Variants in ASIC2 observed in about 807,000 individuals in gnomAD.
ASIC2 encodes the protein acid sensing ion channel subunit 2, also known as acid-sensing ion channel 2.
In ASIC2, 25 loss-of-function variants were observed where a neutral mutation model predicts 57.3. The observed-to-expected ratio is 0.44, with a 90% CI of 0.32 to 0.61. The LOEUF (loss-of-function observed/expected upper bound fraction) is 0.61. ASIC2 is among the 20% of genes least tolerant of loss of function. The pLI, the probability that ASIC2 is intolerant of heterozygous loss-of-function variation, is 0.06. For synonymous variants in ASIC2, 319 were observed against 307.5 expected (o/e 1.04, Z -0.39); for missense variants, 641 against 738.1 (o/e 0.87, Z 1.52).
intron 1 of ASIC2, among the ~76,000 whole-genome samples, chr17:33,114,885 C>T (rs1292847092): frequency 1.3e-5 from 2 of 152,320 alleles, no homozygotes; most frequent in East Asian, 3.9e-4. Context: ...TTTCCACTTA[C>T]AAAAAGAGGT....
At chr17:33,477,578 G>A (rs1360194986) in intron 1 of ASIC2, among the ~76,000 whole-genome samples, 15 of 152,170 alleles carry the variant, frequency 9.9e-5, no homozygotes, top group Non-Finnish European at 1.9e-4. Context: ...GAGGGCAAGG[G>A]GAATTCATTC....
chr17:33,137,086 T>C (rs1478208658), intron 1 of ASIC2, among the ~76,000 whole-genome samples: 5 of 152,222 alleles, frequency 3.3e-5, no homozygotes, highest in Non-Finnish European at 5.9e-5. Flanking sequence ...TTATTGTTCC[T>C]ACACGGGACA....
intron 1 of ASIC2, among the ~76,000 whole-genome samples, chr17:33,586,764 T>C (rs577425550): frequency 6.6e-6 from 1 of 152,336 alleles, no homozygotes; most frequent in African/African-American, 2.4e-5. Flanking sequence ...GCTCCATCCC[T>C]TTCACTCTGC....
At chr17:34,075,823 C>CTTTTTTTTTTTTT (rs57703083) in intron 1 of ASIC2, among the ~76,000 whole-genome samples, 1 of 77,548 alleles carries the variant, frequency 1.3e-5, no homozygotes, top group Non-Finnish European at 2.3e-5. Context: ...TTTCTTTTTC[C>CTTTTTTTTTTTTT]TTTTTTTTTT....
intron 1 of ASIC2, among the ~76,000 whole-genome samples, chr17:33,805,933 T>C (rs971480843): frequency 6.6e-6 from 1 of 152,206 alleles, no homozygotes; most frequent in Non-Finnish European, 1.5e-5. Context: ...CACATCCATA[T>C]ACACACACTT....
intron 1 of ASIC2, among the ~76,000 whole-genome samples, chr17:33,809,149 C>A (rs1912349428): frequency 1.3e-5 from 2 of 152,178 alleles, no homozygotes; most frequent in African/African-American, 4.8e-5. Context: ...TCTGGATCCA[C>A]ATCGCAGCCT....
intron 3 of ASIC2, among the ~76,000 whole-genome samples, chr17:33,072,548 A>G (rs2092073510): frequency 6.6e-6 from 1 of 152,226 alleles, no homozygotes; most frequent in East Asian, 1.9e-4. Context: ...TCCATTCAGA[A>G]AAGAGTGACA....
intron 1 of ASIC2, among the ~76,000 whole-genome samples, chr17:33,470,376 A>G (rs1175427256): frequency 6.6e-6 from 1 of 152,200 alleles, no homozygotes; most frequent in Non-Finnish European, 1.5e-5. Flanking sequence ...ATGCTTGCAT[A>G]GTGATAAAGC....
rs575305409 is a variant in ASIC2 at position 33,671,664 on chromosome 17, T to C, written c.555+484314A>G. Among the ~76,000 whole-genome samples, 4 of 152,310 alleles carry C rather than the reference T, an allele frequency of 2.6e-5. No individual in the cohort carries two copies. In the East Asian group the frequency reaches 7.7e-4, roughly 29 times the overall value. ...ATCCACTTGGGAGGGTCCAAAGGTC[T>C]TGGGAAGGCTACAATTAGTAAGTAC... is the stretch of plus-strand genomic sequence containing the variant. On this transcript the variant is annotated intron_variant, in intron 1 of 9. Coordinates refer to the ASIC2 transcript ENST00000359872.
intron 1 of ASIC2, among the ~76,000 whole-genome samples, chr17:34,020,309 C>T (rs1418671707): frequency 6.6e-6 from 1 of 152,208 alleles, no homozygotes; most frequent in Non-Finnish European, 1.5e-5. Flanking sequence ...AGCCTCTTTA[C>T]TCTAACTGCC....
intron 1 of ASIC2, among the ~76,000 whole-genome samples, chr17:33,600,051 C>G (rs1269523935): frequency 6.6e-6 from 1 of 152,188 alleles, no homozygotes; most frequent in Non-Finnish European, 1.5e-5. Context: ...TCTCTCTGGT[C>G]TCGTGCATCT....
intron 1 of ASIC2, among the ~76,000 whole-genome samples, chr17:33,824,824 T>C (rs183565108): frequency 6.6e-6 from 1 of 152,334 alleles, no homozygotes; most frequent in Admixed American, 6.5e-5. Context: ...TTTGCCATGA[T>C]TGTGAGGTCT....
At chr17:34,045,854 TTAAA>T (rs2142049451) in intron 1 of ASIC2, among the ~76,000 whole-genome samples, 1 of 152,274 alleles carries the variant, frequency 6.6e-6, no homozygotes, top group Admixed American at 6.5e-5. Flanking sequence ...CATTAAAAGA[TTAAA>T]TGAGTCTCTT....
chr17:33,404,998 T>A (rs1383738860), intron 1 of ASIC2, among the ~76,000 whole-genome samples: 7 of 137,094 alleles, frequency 5.1e-5, no homozygotes, highest in Non-Finnish European at 9.8e-5. Flanking sequence ...AGGTGGCTTA[T>A]TTTTTTTTTT....
At chr17:34,100,937 T>C (rs550594742) in intron 1 of ASIC2, among the ~76,000 whole-genome samples, 37 of 152,330 alleles carry the variant, frequency 2.4e-4, no homozygotes, top group African/African-American at 7.5e-4. Flanking sequence ...TTGTGTGATG[T>C]TGAATAAATA....
chr17:33,586,513 T>C (rs2142002576), intron 1 of ASIC2, among the ~76,000 whole-genome samples: 1 of 152,338 alleles, frequency 6.6e-6, no homozygotes, highest in East Asian at 1.9e-4. Flanking sequence ...TCCATGGTTC[T>C]TCCCAGGCTT....
intron 1 of ASIC2, among the ~76,000 whole-genome samples, chr17:33,862,134 G>A (rs1017557222): frequency 6.6e-6 from 1 of 152,158 alleles, no homozygotes; most frequent in African/African-American, 2.4e-5. Flanking sequence ...AGAGCAAGAG[G>A]CCCCATCCTT....
At chr17:33,144,561 A>G (rs1433048208) in intron 1 of ASIC2, among the ~76,000 whole-genome samples, 1 of 152,140 alleles carries the variant, frequency 6.6e-6, no homozygotes, top group Non-Finnish European at 1.5e-5. Context: ...CTTATGTGTA[A>G]GTGAGAGAGT....
intron 1 of ASIC2, among the ~76,000 whole-genome samples, chr17:33,167,491 AC>A (rs1456472833): frequency 3.4e-5 from 5 of 148,618 alleles, no homozygotes; most frequent in African/African-American, 7.5e-5. Context: ...TGCCCCCACT[AC>A]CCCCCACCCG....
Sources: gnomAD v4.1 joint callset for allele counts (sites outside exome capture counted in the v4.1 genomes callset) on GRCh38, gnomAD v4.1.1 for gene constraint, MANE v1.5 for transcripts, NCBI Gene and HGNC (gene_info 2026-07-23, HGNC 2026-07-21) for gene names.